Variants in PAPSS1 observed in about 807,000 individuals in gnomAD.
The protein encoded by PAPSS1 is 3'-phosphoadenosine 5'-phosphosulfate synthase 1.
A neutral mutation model predicts 72.0 loss-of-function variants in PAPSS1; 50 were observed. The ratio of observed to expected loss-of-function variants is 0.69; its 90% confidence interval spans 0.55 to 0.88. The LOEUF is 0.88. Ranked by LOEUF, PAPSS1 falls within the 40% of genes least tolerant of loss-of-function variation. The pLI, the probability that PAPSS1 is intolerant of heterozygous loss-of-function variation, is 0.00. For missense variants in PAPSS1, 657 were observed against 782.2 expected (o/e 0.84, Z 1.91); for synonymous variants, 261 against 263.6 (o/e 0.99, Z 0.09).
intron 3 of PAPSS1, among the ~76,000 whole-genome samples, chr4:107,692,307 A>G (rs1722946340): frequency 6.6e-6 from 1 of 152,106 alleles, no homozygotes; most frequent in Admixed American, 6.6e-5. Context: ...CAAGAAAAAA[A>G]CATTAAAAAG....
At chr4:107,672,292 G>C (rs1727505438) in intron 5 of PAPSS1, among the ~76,000 whole-genome samples, 1 of 152,232 alleles carries the variant, frequency 6.6e-6, no homozygotes, top group Admixed American at 6.5e-5. Flanking sequence ...GGAAGCGCAA[G>C]GGGTCAGGGA....
intron 1 of PAPSS1, among the ~76,000 whole-genome samples, chr4:107,712,415 G>A (rs1723517707): frequency 6.6e-6 from 1 of 152,202 alleles, no homozygotes; most frequent in Admixed American, 6.5e-5. Context: ...TACAAGGGAG[G>A]TTCAGAGACT....
intron 11 of PAPSS1, among the ~76,000 whole-genome samples, chr4:107,619,403 AAC>A (rs1489610428): frequency 6.6e-6 from 1 of 152,212 alleles, no homozygotes; most frequent in Non-Finnish European, 1.5e-5. Flanking sequence ...GGCTACGGAA[AAC>A]ACATTTTCCT....
chr4:107,661,205 A>C (rs1727171714), intron 5 of PAPSS1, among the ~76,000 whole-genome samples: 2 of 152,226 alleles, frequency 1.3e-5, no homozygotes, highest in African/African-American at 4.8e-5. Context: ...ACAACATCTA[A>C]TGTTGCCAAA....
intron 9 of PAPSS1, among the ~76,000 whole-genome samples, chr4:107,646,450 A>G (rs905880825): frequency 6.6e-6 from 1 of 152,052 alleles, no homozygotes; most frequent in African/African-American, 2.4e-5. Context: ...GCAAAACAAA[A>G]GCCCATACAT....
chr4:107,632,994 C>A (rs60866167), intron 10 of PAPSS1, among the ~76,000 whole-genome samples: 1 of 152,192 alleles, frequency 6.6e-6, no homozygotes, highest in African/African-American at 2.4e-5. Flanking sequence ...AGTAAGAGTG[C>A]AATTCCATAC....
chr4:107,619,267 A>G (rs990243670), intron 11 of PAPSS1, among the ~76,000 whole-genome samples: 2 of 152,180 alleles, frequency 1.3e-5, no homozygotes, highest in African/African-American at 4.8e-5. Context: ...TTTTAAACCA[A>G]GGTCCCTGGG....
At chr4:107,699,976 T>TA (rs1365115778) in intron 2 of PAPSS1, among the ~76,000 whole-genome samples, 6 of 152,186 alleles carry the variant, frequency 3.9e-5, no homozygotes, top group Admixed American at 3.9e-4. Flanking sequence ...CATAGTAAAA[T>TA]AACTGATGGG....
At chr4:107,651,659 ACT>A (rs1007206065) in intron 9 of PAPSS1, among the ~76,000 whole-genome samples, 4 of 152,234 alleles carry the variant, frequency 2.6e-5, no homozygotes, top group Admixed American at 6.5e-5. Context: ...GTGAGAACTT[ACT>A]GTCACGAGAA....
At chr4:107,670,816 G>T (rs1373591818) in intron 5 of PAPSS1, among the ~76,000 whole-genome samples, 1 of 152,184 alleles carries the variant, frequency 6.6e-6, no homozygotes, top group Non-Finnish European at 1.5e-5. Flanking sequence ...GGGATTACAA[G>T]TGTGAACCAC....
intron 2 of PAPSS1, among the ~76,000 whole-genome samples, chr4:107,698,376 T>C (rs1723122807): frequency 6.6e-6 from 1 of 152,214 alleles, no homozygotes; most frequent in Non-Finnish European, 1.5e-5. Context: ...TTATACAGAA[T>C]ACTGCACACA....
At chr4:107,647,834 G>A (rs1726734228) in intron 9 of PAPSS1, among the ~76,000 whole-genome samples, 1 of 152,104 alleles carries the variant, frequency 6.6e-6, no homozygotes, top group African/African-American at 2.4e-5. Context: ...AGACTCACTG[G>A]AAGCTTACCC....
intron 3 of PAPSS1, among the ~76,000 whole-genome samples, chr4:107,692,046 A>G (rs888261497): frequency 1.3e-5 from 2 of 152,200 alleles, no homozygotes; most frequent in Non-Finnish European, 2.9e-5. Flanking sequence ...TTAACTCAAG[A>G]TGGATTAAAG....
At chr4:107,629,077 C>T (rs746409167) in intron 11 of PAPSS1, among the ~76,000 whole-genome samples, 15 of 152,158 alleles carry the variant, frequency 9.9e-5, no homozygotes, top group Non-Finnish European at 1.5e-4. Context: ...AATAAACTCA[C>T]ACTAACTGAT....
At chr4:107,655,871 T>C (rs1471762075) in intron 7 of PAPSS1, among the ~76,000 whole-genome samples, 1 of 152,232 alleles carries the variant, frequency 6.6e-6, no homozygotes, top group Admixed American at 6.5e-5. Context: ...CATTATTTAA[T>C]CCTTATGTTC....
At chr4:107,694,332 C>A in intron 2 of PAPSS1, 1 of 261,228 alleles carries the variant, frequency 3.8e-6, no homozygotes, top group Non-Finnish European at 7.4e-6. Flanking sequence ...TAAATACATT[C>A]ATTATGCAAA....
intron 11 of PAPSS1, among the ~76,000 whole-genome samples, chr4:107,629,834 A>G (rs1477551735): frequency 6.6e-6 from 1 of 152,230 alleles, no homozygotes; most frequent in Admixed American, 6.5e-5. Flanking sequence ...TGAGAAAGTT[A>G]GCCAAATCTT....
intron 4 of PAPSS1, among the ~76,000 whole-genome samples, chr4:107,685,973 GT>G (rs1288549390): frequency 1.3e-5 from 2 of 152,104 alleles, no homozygotes; most frequent in Non-Finnish European, 2.9e-5. Context: ...TCTTTAGTTA[GT>G]TTTTTTGTTT....
chr4:107,695,424 T>C (rs1339521000), intron 2 of PAPSS1, among the ~76,000 whole-genome samples: 1 of 152,182 alleles, frequency 6.6e-6, no homozygotes, highest in Non-Finnish European at 1.5e-5. Flanking sequence ...CATAGAATCA[T>C]GTTATCTGCA....
Sources: gnomAD v4.1 joint callset for allele counts (sites outside exome capture counted in the v4.1 genomes callset) on GRCh38, gnomAD v4.1.1 for gene constraint, MANE v1.5 for transcripts, NCBI Gene and HGNC (gene_info 2026-07-23, HGNC 2026-07-21) for gene names.